KIF21B: variants seen among roughly 807,000 people sequenced by gnomAD.
KIF21B encodes kinesin family member 21B, also known as kinesin-like protein KIF21B.
Under a neutral mutation model 192.9 loss-of-function variants are expected in KIF21B, and 85 were observed. The ratio of observed to expected loss-of-function variants is 0.44; its 90% CI spans 0.37 to 0.53. The LOEUF (loss-of-function observed/expected upper bound fraction) is 0.53. Among genes scored for constraint, KIF21B ranks in the 20% least tolerant of loss-of-function variants. The pLI, the probability that KIF21B is intolerant of heterozygous loss-of-function variation, is 0.00. For synonymous variants in KIF21B, 832 were observed against 884.6 expected (o/e 0.94, Z 1.05); for missense variants, 1,716 against 2,194.8 (o/e 0.78, Z 4.36).
chr1:201,002,149 A>G lies in KIF21B; in HGVS notation c.1402+12T>C. 1 of 1,613,138 alleles carries G rather than the reference A, an allele frequency of 6.2e-7. No individual in the cohort carries two copies. The highest frequency in any genetic ancestry group is 8.5e-7 in the Non-Finnish European group (1 of 1,179,834). ...TTGGTGCTCTGACCTGGCCTGGCACAGCCCAACTCACCGGCCTTGGCTAGC... is the reference window on the plus strand; with the variant it reads ...TTGGTGCTCTGACCTGGCCTGGCACGGCCCAACTCACCGGCCTTGGCTAGC... On this transcript the variant is annotated intron_variant, in intron 9 of 34. Coordinates refer to ENST00000461742, the MANE Select transcript of KIF21B (RefSeq NM_001252102.2).
intron 1 of KIF21B, 88 bp from the exon 2 acceptor site, chr1:201,009,576 A>G: frequency 7.7e-7 from 1 of 1,294,812 alleles, no homozygotes; most frequent in East Asian, 2.4e-5. Flanking sequence ...CCAAGCTGCC[A>G]CTTCCCCCAT....
In KIF21B at chr1:201,003,674, A is replaced by G. The variant is rs1657637365; in HGVS notation, c.1124T>C (p.Val375Ala). Residue 375 changes from valine to alanine, a missense_variant, in exon 8 of 35, where the codon GTA (valine) becomes GCA (alanine). Transcript: ENST00000461742. ...CTGGCTGGTCTTGTCCTGGTTCACTACCACCTTGTTCTTGATGTTGCGGGC... is the reference window on the plus strand; with the variant it reads ...CTGGCTGGTCTTGTCCTGGTTCACTGCCACCTTGTTCTTGATGTTGCGGGC... ...NRARNIKNKV[V>A]VNQDKTSQQI... 6.2e-7 allele frequency: 1 copy of G among 1,613,986 alleles called. No homozygotes were observed. The highest frequency in any genetic ancestry group is 8.5e-7 in the Non-Finnish European group (1 of 1,180,010).
chr1:201,003,896 A>G (rs1657649054), intron 7 of KIF21B, 115 bp from the exon 8 acceptor site: 4 of 1,051,556 alleles, frequency 3.8e-6, no homozygotes, highest in Non-Finnish European at 5.8e-6. Context: ...TAATGCCCAA[A>G]GCACGTGGGC....
chr1:201,003,832 A>C, intron 7 of KIF21B, 51 bp from the exon 8 acceptor site: 1 of 1,581,470 alleles, frequency 6.3e-7, no homozygotes, highest in South Asian at 1.1e-5. Context: ...GCCAGCCCCC[A>C]GAAGCATTGC....
intron 3 of KIF21B, among the ~76,000 whole-genome samples, chr1:201,006,228 G>A (rs115178356): frequency 0.021 from 3,174 of 152,314 alleles, 110 homozygotes; most frequent in East Asian, 0.12. Flanking sequence ...TGGAGAGCAC[G>A]CCACTGTGGC....
intron 21 of KIF21B, among the ~76,000 whole-genome samples, chr1:200,989,663 C>T (rs1203514657): frequency 2.6e-5 from 4 of 152,240 alleles, no homozygotes; most frequent in Non-Finnish European, 5.9e-5. Context: ...GCCAGACACC[C>T]AGAGTCAACT....
chr1:200,977,710 G>A (rs1210766186), intron 30 of KIF21B, among the ~76,000 whole-genome samples: 9 of 151,774 alleles, frequency 5.9e-5, no homozygotes, highest in African/African-American at 1.9e-4. Context: ...TGTTAAAAGA[G>A]GTGATTATAT....
Position 201,000,770 on chromosome 1 carries a change from A to G in KIF21B, c.1413T>C (p.Asn471=), listed in dbSNP as rs1657443338. The change falls in exon 10 of 35, where the codon AAT becomes AAC. Residue 471 remains asparagine, a synonymous_variant. Coordinates refer to ENST00000461742, the MANE Select transcript of KIF21B (RefSeq NM_001252102.2). This position sits in a 1 kb window ranked among gnomAD's most constrained non-coding sequence, Gnocchi z 6.0. ...NLLLAKAGDG[N]EAIGALIQNY... is the part of the protein sequence containing the mutation. Reference sequence around the variant, plus strand: ...TCTGGATCAGCGCACCAATGGCCTCATTGCCATCGCCTGGAGTGGGACGGC... The same window carrying G: ...TCTGGATCAGCGCACCAATGGCCTCGTTGCCATCGCCTGGAGTGGGACGGC... 1.9e-6 allele frequency: 3 copies of G among 1,614,080 alleles called. No homozygotes were observed. Among genetic ancestry groups the G allele is most frequent in the Admixed American group, 1.7e-5 (1 of 60,006 alleles).
At position 200,984,976 on chromosome 1, in the gene KIF21B, G is replaced by T; in HGVS notation, c.3690-4C>A. The stretch of plus-strand genomic sequence containing the variant: ...TGTGAATCCCACATCTGTGGACCTG[G>T]TGAGTCGGGACAGAGGGCAGCCTGT... On this transcript the variant is annotated splice_region_variant and splice_polypyrimidine_tract_variant and intron_variant, in intron 26 of 34. Transcript: ENST00000461742. 6.2e-7 allele frequency: 1 copy of T among 1,602,786 alleles called. No individual in the cohort carries two copies. Among genetic ancestry groups the T allele is most frequent in the South Asian group, 1.1e-5 (1 of 89,970 alleles).
intron 27 of KIF21B, 134 bp from the exon 28 acceptor site, chr1:200,983,228 G>A: frequency 2.6e-6 from 2 of 755,566 alleles, no homozygotes; most frequent in East Asian, 2.7e-5. Context: ...ACAGGCAGAG[G>A]AATGAGGGCC....
In KIF21B at chr1:200,971,191, C is replaced by T. The variant is rs1332572820; in HGVS notation, c.*2330G>A. The stretch of plus-strand genomic sequence containing the variant: ...GAAAGAGTGGGCAGAGAATCCAACT[C>T]TCATGAAGCACAACTCGGGGTGTCT... On this transcript the variant is annotated 3_prime_UTR_variant, in exon 35 of 35. Coordinates refer to ENST00000461742, the MANE Select transcript of KIF21B (RefSeq NM_001252102.2). The T allele has an allele frequency of 6.5e-6, 1 of 152,826 alleles. No homozygotes were observed. Among genetic ancestry groups the T allele is most frequent in the Non-Finnish European group, 1.5e-5 (1 of 68,062 alleles). 9.5% of individuals were successfully genotyped at this position (152,826 alleles called of 1,614,324 possible).
chr1:200,986,989 T>C lies in KIF21B; in HGVS notation c.3614+7A>G, dbSNP rs1212846568. ...ACTCCAACCCACATTCCTGCTCCCA[T>C]CCTTACAAAGTGCTGCCCCGGGTAG... On this transcript the variant is annotated splice_region_variant and intron_variant, in intron 25 of 34. Transcript: ENST00000461742. 1.2e-6 allele frequency: 2 copies of C among 1,613,828 alleles called. No homozygotes were observed. The highest frequency in any genetic ancestry group is 1.7e-6 in the Non-Finnish European group (2 of 1,179,860).
chr1:200,976,913 A>C lies in KIF21B; in HGVS notation c.4326-20T>G. The C allele has an allele frequency of 6.4e-7, 1 of 1,568,714 alleles. No homozygotes were observed. Among genetic ancestry groups the C allele is most frequent in the Non-Finnish European group, 8.7e-7 (1 of 1,144,252 alleles). ...TGGAACCTGCAGTGGGAAGAGGCCC[A>C]GCCAGGGGTAGGTGAATTAGAGGGG... On this transcript the variant is annotated intron_variant, in intron 31 of 34. Coordinates refer to ENST00000461742, the MANE Select transcript of KIF21B (RefSeq NM_001252102.2).
At chr1:200,984,615 C>T (rs1656165637) in intron 27 of KIF21B, among the ~76,000 whole-genome samples, 2 of 152,250 alleles carry the variant, frequency 1.3e-5, no homozygotes, top group South Asian at 2.1e-4. Context: ...GGCCCCAATC[C>T]CTGTGGCCTC....
intron 34 of KIF21B, 58 bp downstream of exon 34, chr1:200,974,656 T>A: frequency 2.8e-6 from 4 of 1,446,620 alleles, no homozygotes; most frequent in Non-Finnish European, 3.7e-6. Context: ...CAGCCTCCCC[T>A]GCCCACACCA....
rs756736149 is a variant in KIF21B, at chr1:200,998,560, G to A, written c.1901C>T (p.Ala634Val). 36 of 1,613,332 alleles carry A rather than the reference G, an allele frequency of 2.2e-5. No individual in the cohort carries two copies. The highest frequency in any genetic ancestry group is 2.7e-5 in the Non-Finnish European group (32 of 1,179,916). ...CTCACAAGTCAGGTCGGCCAGGTCCGCCTGGAAGTTCACCTCTATGGGGGC... is the reference window on the plus strand; with the variant it reads ...CTCACAAGTCAGGTCGGCCAGGTCCACCTGGAAGTTCACCTCTATGGGGGC... ...DPEEKEVNFQ[A>V]DLADLTCEIE... is the part of the protein sequence containing the mutation. The change falls in exon 14 of 35, where the codon GCG becomes GTG. Residue 634 changes from alanine (A) to valine (V), a missense_variant. Ala to Val is a moderately conservative substitution (Grantham distance 64). Transcript: ENST00000461742. The surrounding 1 kb of genome is among the most constrained non-coding windows in gnomAD (Gnocchi z 4.3).
chr1:201,004,207 C>T, intron 7 of KIF21B, 133 bp downstream of exon 7: 1 of 707,268 alleles, frequency 1.4e-6, no homozygotes, highest in Non-Finnish European at 2.4e-6. Context: ...AGGTTCCTAC[C>T]TCCTAAACCT....
chr1:200,995,433 G>A (rs1464817398), intron 15 of KIF21B, among the ~76,000 whole-genome samples: 1 of 152,188 alleles, frequency 6.6e-6, no homozygotes, highest in African/African-American at 2.4e-5. Context: ...AGGGAGCATG[G>A]ATCTGCTGAG....
rs1657457671 is a variant in KIF21B at position 201,000,939 on chromosome 1, C to T, written c.1403-159G>A. The stretch of plus-strand genomic sequence containing the variant: ...CCTGACCAACATGGAGAAACCCCGT[C>T]TCTACTAAAAATACAAAATTAGCCG... On this transcript the variant is annotated intron_variant, in intron 9 of 34. Coordinates refer to ENST00000461742, the MANE Select transcript of KIF21B (RefSeq NM_001252102.2). The surrounding 1 kb of genome is among the most constrained non-coding windows in gnomAD (Gnocchi z 6.0). 6.6e-6 allele frequency among the ~76,000 whole-genome samples: 1 copy of T among 152,136 alleles called. No individual in the cohort carries two copies. Among genetic ancestry groups the T allele is most frequent in the African/African-American group, 2.4e-5 (1 of 41,422 alleles).
Sources: gnomAD v4.1 joint callset for allele counts (sites outside exome capture counted in the v4.1 genomes callset) on GRCh38, gnomAD v4.1.1 for gene constraint, Gnocchi (gnomAD v3.1) non-coding constraint, MANE v1.5 for transcripts, NCBI Gene and HGNC (gene_info 2026-07-23, HGNC 2026-07-21) for gene names.